The following MMP26 variants were observed in gnomAD, a reference collection of about 807,000 sequenced individuals.
The protein encoded by MMP26 is matrix metalloproteinase-26.
A neutral mutation model predicts 31.0 loss-of-function variants in MMP26; 33 were observed. That is an observed-to-expected ratio of 1.06 (90% CI 0.81 to 1.42). The LOEUF (loss-of-function observed/expected upper bound fraction) is 1.42. Ranked by LOEUF, MMP26 falls within the 40% of genes most tolerant of loss-of-function variation. The probability of loss-of-function intolerance (pLI) is 0.00; values close to 1 mark genes in which losing one functional copy is unlikely to be tolerated. For missense variants in MMP26, 347 were observed against 316.1 expected, an observed-to-expected ratio of 1.10 and a Z score of -0.74; for synonymous variants, 122 against 114.9, an observed-to-expected ratio of 1.06 and a Z score of -0.40.
At chr11:4,812,922 A>T (rs865828265) in intron 2 of MMP26, among the ~76,000 whole-genome samples, 19 of 151,916 alleles carry the variant, frequency 1.3e-4, no homozygotes, top group African/African-American at 4.6e-4. Flanking sequence ...TGGCATAGTA[A>T]ATTTGGCATC....
chr11:4,723,661 C>T, intron 1 of MMP26: 1 of 873,634 alleles, frequency 1.1e-6, no homozygotes. Flanking sequence ...CTTGTTCTTG[C>T]AGTTCTCCAT....
intron 2 of MMP26, among the ~76,000 whole-genome samples, chr11:4,874,157 G>C (rs1234024054): frequency 6.6e-6 from 1 of 152,062 alleles, no homozygotes; most frequent in Non-Finnish European, 1.5e-5. Context: ...ATTTTATCCA[G>C]TTCAGTAGCA....
In MMP26 at chr11:4,805,410, A is replaced by G. The variant is rs539711508; in HGVS notation, c.-145+38069A>G. 9.2e-5 allele frequency among the ~76,000 whole-genome samples: 14 copies of G among 152,354 alleles called. No homozygotes were observed. In the East Asian group the frequency reaches 2.5e-3, roughly 27 times the overall value. On this transcript the variant is annotated intron_variant, in intron 2 of 7. Transcript: ENST00000380390. ...CTATACTGTCTGTTGCAGCAGATCA[A>G]TTCAGCCATTGTAGTGTGAAAGTAA...
intron 2 of MMP26, among the ~76,000 whole-genome samples, chr11:4,844,436 T>C (rs990291556): frequency 6.6e-6 from 1 of 152,108 alleles, no homozygotes; most frequent in African/African-American, 2.4e-5. Flanking sequence ...ATTACCATGA[T>C]ACTAAAACCA....
chr11:4,775,194 T>C (rs4910677), intron 2 of MMP26, among the ~76,000 whole-genome samples: 4 of 152,192 alleles, frequency 2.6e-5, no homozygotes, highest in African/African-American at 9.7e-5. Flanking sequence ...GGGAATAGCA[T>C]TGAATCTATA....
intron 2 of MMP26, among the ~76,000 whole-genome samples, chr11:4,911,455 G>A (rs1279250065): frequency 6.6e-6 from 1 of 152,120 alleles, no homozygotes; most frequent in Non-Finnish European, 1.5e-5. Flanking sequence ...ATTGATCAGT[G>A]AGTGTTGAAT....
At chr11:4,928,580 C>G (rs553058475) in intron 2 of MMP26, among the ~76,000 whole-genome samples, 2 of 152,192 alleles carry the variant, frequency 1.3e-5, no homozygotes, top group African/African-American at 4.8e-5. Context: ...TCTTCAGTTT[C>G]CAGGATTGGA....
chr11:4,736,843 A>T (rs1848247671), intron 1 of MMP26: 1 of 152,554 alleles, frequency 6.6e-6, no homozygotes, highest in South Asian at 2.1e-4. Flanking sequence ...ATTGAACCAG[A>T]ATATGCCCAG....
chr11:4,861,950 C>T (rs189076849), intron 2 of MMP26, among the ~76,000 whole-genome samples: 2,000 of 152,226 alleles, frequency 0.013, 38 homozygotes, highest in African/African-American at 0.044. Context: ...CCTACCTCTG[C>T]AGCACCAACT....
At chr11:4,881,497 A>G (rs1168175854) in intron 2 of MMP26, among the ~76,000 whole-genome samples, 1 of 152,134 alleles carries the variant, frequency 6.6e-6, no homozygotes, top group Non-Finnish European at 1.5e-5. Flanking sequence ...GAGTCATGAG[A>G]ACATAGTTCT....
intron 2 of MMP26, chr11:4,804,170 T>C: frequency 1.9e-6 from 3 of 1,614,148 alleles, no homozygotes; most frequent in South Asian, 1.1e-5. Flanking sequence ...AGGTCAGTGA[T>C]GGCCAGCATG....
intron 2 of MMP26, among the ~76,000 whole-genome samples, chr11:4,871,374 C>T (rs1850308095): frequency 6.6e-6 from 1 of 152,056 alleles, no homozygotes; most frequent in South Asian, 2.1e-4. Flanking sequence ...ATTTTTCTTT[C>T]AGCTTTTTCT....
intron 1 of MMP26, chr11:4,709,979 C>T (rs748648076): frequency 9.2e-5 from 42 of 456,898 alleles, no homozygotes; most frequent in South Asian, 5.9e-4. Flanking sequence ...ATGCCACAAT[C>T]TTAACCAATT....
intron 2 of MMP26, chr11:4,803,509 T>C (rs912305048): frequency 1.1e-5 from 17 of 1,613,678 alleles, no homozygotes; most frequent in African/African-American, 4.0e-5. Context: ...AATGATGGGG[T>C]TGAGCATGGG....
At chr11:4,913,917 C>T (rs567207906) in intron 2 of MMP26, 1 of 152,202 alleles carries the variant, frequency 6.6e-6, no homozygotes, top group East Asian at 1.9e-4. Flanking sequence ...CTGATGCTCC[C>T]TTCCCCCAGC....
At chr11:4,745,119 A>T (rs1006927145) in intron 1 of MMP26, among the ~76,000 whole-genome samples, 1 of 152,232 alleles carries the variant, frequency 6.6e-6, no homozygotes, top group African/African-American at 2.4e-5. Context: ...TAATATAAAA[A>T]GTGTACACAT....
intron 2 of MMP26, chr11:4,769,726 G>A (rs774280910): frequency 5.6e-5 from 90 of 1,613,364 alleles, no homozygotes; most frequent in Non-Finnish European, 6.7e-5. Flanking sequence ...GCCTGAAGAG[G>A]AAATAATACA....
intron 2 of MMP26, among the ~76,000 whole-genome samples, chr11:4,857,462 C>T (rs1465387969): frequency 1.3e-5 from 2 of 152,052 alleles, no homozygotes; most frequent in Admixed American, 6.6e-5. Context: ...TGCAAATAAA[C>T]TAGAAAATCT....
intron 2 of MMP26, among the ~76,000 whole-genome samples, chr11:4,891,559 G>A (rs1850623367): frequency 6.6e-6 from 1 of 152,142 alleles, no homozygotes; most frequent in Admixed American, 6.6e-5. Flanking sequence ...AGCTTCTAAA[G>A]CTGTTTTTAC....
Sources: gnomAD v4.1 joint callset for allele counts (sites outside exome capture counted in the v4.1 genomes callset) on GRCh38, gnomAD v4.1.1 for gene constraint, MANE v1.5 for transcripts, NCBI Gene and HGNC (gene_info 2026-07-23, HGNC 2026-07-21) for gene names.